The following KANSL1 variants were observed in gnomAD, a reference collection of about 807,000 sequenced individuals.
KANSL1 encodes the protein KAT8 regulatory NSL complex subunit 1.
Under a neutral mutation model 103.6 loss-of-function variants are expected in KANSL1, and 22 were observed. That is an observed-to-expected ratio of 0.21 (90% confidence interval 0.15 to 0.30). The LOEUF (loss-of-function observed/expected upper bound fraction) is 0.30. Among genes scored for constraint, KANSL1 ranks in the 10% least tolerant of loss-of-function variants. The pLI, the probability that KANSL1 is intolerant of heterozygous loss-of-function variation, is 1.00. For synonymous variants in KANSL1, 600 were observed against 527.6 expected, an observed-to-expected ratio of 1.14 and a Z score of -1.88; for missense variants, 1,337 against 1,399.8, an observed-to-expected ratio of 0.96 and a Z score of 0.72.
In KANSL1 at chr17:46,039,752, G is replaced by A; in HGVS notation, c.2153C>T (p.Ser718Leu). Residue 718 changes from serine (S) to leucine (L), a missense_variant, in exon 8 of 15, where the codon TCA becomes TTA. By Grantham distance (145) the Ser-to-Leu change is moderately radical. This residue lies in a region of KANSL1 where 780 missense variants were observed against 923.4 expected (regional missense o/e 0.84). Transcript: ENST00000432791. ...RAPMPGSLPD[S>L]ARKDRHKLVS... ...CAATTTGTGCCTGTCCTTACGAGCT[G>A]AATCTGGCAGACTGCCCGGCATGGG... 1 of 1,614,212 alleles carries A rather than the reference G, an allele frequency of 6.2e-7. No homozygotes were observed. Among genetic ancestry groups the A allele is most frequent in the South Asian group, 1.1e-5 (1 of 91,088 alleles).
At chr17:46,106,614 A>C (rs914744791) in intron 2 of KANSL1, among the ~76,000 whole-genome samples, 1 of 152,108 alleles carries the variant, frequency 6.6e-6, no homozygotes, top group Non-Finnish European at 1.5e-5. Context: ...GCTGGTCTCA[A>C]ACTCCTGACC....
chr17:46,124,476 T>A (rs2043425979), intron 2 of KANSL1, among the ~76,000 whole-genome samples: 1 of 152,256 alleles, frequency 6.6e-6, no homozygotes. Context: ...ATCATGCCTG[T>A]TAACACAACA....
intron 1 of KANSL1, among the ~76,000 whole-genome samples, chr17:46,185,678 TACACACACATATATACACACACACAC>T (rs1567781806): frequency 2.9e-5 from 4 of 137,844 alleles, no homozygotes; most frequent in South Asian, 4.4e-4. Flanking sequence ...CACATATATA[TACACACACATATATACACACACACAC>T]ACACACACAC....
intron 2 of KANSL1, chr17:46,148,182 T>G (rs893086161): frequency 1.3e-5 from 2 of 152,258 alleles, no homozygotes; most frequent in East Asian, 3.8e-4. Context: ...TAGCAAATAG[T>G]GTACCAAACA....
At chr17:46,181,635 T>C (rs1249379203) in intron 1 of KANSL1, among the ~76,000 whole-genome samples, 1 of 152,220 alleles carries the variant, frequency 6.6e-6, no homozygotes, top group Non-Finnish European at 1.5e-5. Flanking sequence ...TTTCACCACG[T>C]TGGCCAGGCT....
chr17:46,066,124 T>C (rs537072360), intron 6 of KANSL1, among the ~76,000 whole-genome samples: 6 of 152,256 alleles, frequency 3.9e-5, no homozygotes, highest in African/African-American at 1.2e-4. Flanking sequence ...TCCCGAAGTG[T>C]TGGGATTACA....
At chr17:46,218,300 T>C (rs1314717043) in intron 1 of KANSL1, among the ~76,000 whole-genome samples, 1 of 152,258 alleles carries the variant, frequency 6.6e-6, no homozygotes, top group Non-Finnish European at 1.5e-5. Context: ...TACCAGGTGC[T>C]GTTCTAAACA....
At chr17:46,147,587 A>ATT (rs1433742379) in intron 2 of KANSL1, among the ~76,000 whole-genome samples, 7 of 151,258 alleles carry the variant, frequency 4.6e-5, no homozygotes, top group African/African-American at 1.5e-4. Flanking sequence ...AAAAAAAAAA[A>ATT]AAAAAAAAAG....
chr17:46,123,814 G>A (rs1305824666), intron 2 of KANSL1, among the ~76,000 whole-genome samples: 2 of 152,252 alleles, frequency 1.3e-5, no homozygotes, highest in African/African-American at 2.4e-5. Context: ...AAGTGCTGAT[G>A]GAGAAGCTGT....
chr17:46,131,479 G>A (rs1037290987), intron 2 of KANSL1, among the ~76,000 whole-genome samples: 3 of 152,150 alleles, frequency 2.0e-5, no homozygotes, highest in Non-Finnish European at 4.4e-5. Context: ...GAATGCCATG[G>A]CATGATTATT....
At chr17:46,099,776 T>C (rs866283436) in intron 2 of KANSL1, among the ~76,000 whole-genome samples, 1 of 152,282 alleles carries the variant, frequency 6.6e-6, no homozygotes, top group Non-Finnish European at 1.5e-5. Flanking sequence ...CTATATATAC[T>C]GTAGTTATCA....
intron 1 of KANSL1, among the ~76,000 whole-genome samples, chr17:46,214,212 T>C (rs543587288): frequency 1.3e-5 from 2 of 152,360 alleles, no homozygotes; most frequent in Admixed American, 6.5e-5. Context: ...CTTGCACTTA[T>C]CAGACTGGGA....
At chr17:46,170,502 CA>C in intron 2 of KANSL1, 1 of 277,412 alleles carries the variant, frequency 3.6e-6, no homozygotes, top group Non-Finnish European at 6.4e-6. Flanking sequence ...AAAATCTCAA[CA>C]ATCAGGCCAT....
At chr17:46,145,841 G>A in intron 2 of KANSL1, among the ~76,000 whole-genome samples, 1 of 152,196 alleles carries the variant, frequency 6.6e-6, no homozygotes, top group Non-Finnish European at 1.5e-5. Context: ...GGATTCTCCT[G>A]CCTCAGCCTC....
intron 1 of KANSL1, among the ~76,000 whole-genome samples, chr17:46,210,816 T>G (rs992105447): frequency 6.6e-6 from 1 of 152,232 alleles, no homozygotes; most frequent in African/African-American, 2.4e-5. Flanking sequence ...AAACTAAGAT[T>G]TATATTCAGC....
At chr17:46,201,689 T>C (rs1033738338) in intron 1 of KANSL1, among the ~76,000 whole-genome samples, 6 of 146,936 alleles carry the variant, frequency 4.1e-5, no homozygotes, top group African/African-American at 1.3e-4. Flanking sequence ...CTGGGCAACA[T>C]AGTGAGACCC....
chr17:46,032,152 C>A lies in KANSL1; in HGVS notation c.2985G>T (p.Pro995=). 6.2e-7 allele frequency: 1 copy of A among 1,613,972 alleles called. No homozygotes were observed. ...GGGTGAGGGGTGCTGAGTGCAGTTC[C>A]GGGCTAATGGGGCTCCTAGGGGACT... ...HGQSPRSPIS[P]ELHSAPLTPV... The change falls in exon 14 of 15, where the codon CCG becomes CCT. Residue 995 remains proline, a synonymous_variant. Transcript: ENST00000432791.
rs367565218 is a variant in KANSL1, at chr17:46,137,092, A to G, written c.1289+33763T>C. Among the ~76,000 whole-genome samples the G allele has an allele frequency of 1.3e-4, 19 of 151,746 alleles. 1 individual carries two copies. The Middle Eastern group carries it at 0.017, about 136-fold the overall frequency. On this transcript the variant is annotated intron_variant, in intron 2 of 14. Coordinates refer to ENST00000432791, the MANE Select transcript of KANSL1 (RefSeq NM_015443.4). ...AGTATAACACAGAAACAGCAAGTGC[A>G]CTAAGAGCATCAAATCCTTCCCCCC...
At chr17:46,158,015 ATTTTAGAAAAACCCCAGATCT>A (rs1341418585) in intron 2 of KANSL1, among the ~76,000 whole-genome samples, 1 of 152,282 alleles carries the variant, frequency 6.6e-6, no homozygotes, top group Non-Finnish European at 1.5e-5. Flanking sequence ...CCTGAAGAAA[ATTTTAGAAAAACCCCAGATCT>A]TTTTGTTATT....
Sources: gnomAD v4.1 joint callset for allele counts (sites outside exome capture counted in the v4.1 genomes callset) on GRCh38, gnomAD v4.1.1 for gene constraint, gnomAD v4.1.1 regional missense constraint, MANE v1.5 for transcripts, NCBI Gene and HGNC (gene_info 2026-07-23, HGNC 2026-07-21) for gene names.